CAMK4: variants seen among roughly 807,000 people sequenced by gnomAD.
The protein encoded by CAMK4 is calcium/calmodulin-dependent protein kinase type IV.
In CAMK4, 22 loss-of-function variants were observed where a neutral mutation model predicts 44.9. The ratio of observed to expected loss-of-function variants is 0.49; its 90% CI spans 0.35 to 0.70. CAMK4 has a LOEUF of 0.70. CAMK4 is among the 30% of genes least tolerant of loss of function. The pLI, the probability that CAMK4 is intolerant of heterozygous loss-of-function variation, is 0.01. For missense variants in CAMK4, 498 were observed against 586.8 expected, an observed-to-expected ratio of 0.85 and a Z score of 1.56; for synonymous variants, 218 against 215.4, an observed-to-expected ratio of 1.01 and a Z score of -0.11.
At chr5:111,475,208 G>A (rs1347333984) in intron 8 of CAMK4, among the ~76,000 whole-genome samples, 3 of 151,942 alleles carry the variant, frequency 2.0e-5, no homozygotes, top group East Asian at 3.9e-4. Flanking sequence ...AAGCTTGAGA[G>A]GAATTTGGAG....
chr5:111,433,054 G>A lies in CAMK4; in HGVS notation c.460-13632G>A, dbSNP rs545394326. Among the ~76,000 whole-genome samples the A allele has an allele frequency of 5.5e-4, 83 of 152,272 alleles. 1 individual carries two copies. Among genetic ancestry groups the A allele is most frequent in the African/African-American group, 2.0e-3 (82 of 41,566 alleles). On this transcript the variant is annotated intron_variant, in intron 5 of 10. Coordinates refer to ENST00000282356, the MANE Select transcript of CAMK4 (RefSeq NM_001744.6). ...AGAGAAAATGATTCATTTTGCTTAT[G>A]AGACTAGAGGAAGATTTCACAGAGA...
At position 111,323,021 on chromosome 5, in the gene CAMK4, G is replaced by C. The variant is rs573747894; in HGVS notation, c.162-21003G>C. Among the ~76,000 whole-genome samples, 28 of 152,052 alleles carry C rather than the reference G, an allele frequency of 1.8e-4. 1 individual carries two copies. The highest frequency in any genetic ancestry group is 7.9e-4 in the Admixed American group (12 of 15,254). On this transcript the variant is annotated intron_variant, in intron 1 of 10. Transcript: ENST00000282356. ...CAACTTGTGGGAAAATATCAAGAAGGCTATCATAAATGGAATATATGTCTC... is the reference window on the plus strand; with the variant it reads ...CAACTTGTGGGAAAATATCAAGAAGCCTATCATAAATGGAATATATGTCTC...
chr5:111,421,815 A>G (rs367980397), intron 5 of CAMK4, among the ~76,000 whole-genome samples: 8 of 152,134 alleles, frequency 5.3e-5, no homozygotes, highest in African/African-American at 1.4e-4. Flanking sequence ...GTGTCATGGG[A>G]GGGACCCTGT....
chr5:111,438,440 G>C (rs1459524598), intron 5 of CAMK4, among the ~76,000 whole-genome samples: 3 of 152,108 alleles, frequency 2.0e-5, no homozygotes, highest in African/African-American at 4.8e-5. Context: ...ATCATTTGTA[G>C]CAAACATGTG....
At chr5:111,326,428 G>A (rs1456211852) in intron 1 of CAMK4, among the ~76,000 whole-genome samples, 2 of 151,858 alleles carry the variant, frequency 1.3e-5, no homozygotes, top group Non-Finnish European at 1.5e-5. Context: ...CCTTATATCT[G>A]TTAAGTAAAT....
At chr5:111,279,280 G>A (rs559126182) in intron 1 of CAMK4, among the ~76,000 whole-genome samples, 1 of 152,214 alleles carries the variant, frequency 6.6e-6, no homozygotes, top group South Asian at 2.1e-4. Context: ...CTGGGTTTCC[G>A]GCCCTGTGAC....
intron 1 of CAMK4, among the ~76,000 whole-genome samples, chr5:111,255,948 A>G (rs930961336): frequency 3.9e-5 from 6 of 152,224 alleles, no homozygotes; most frequent in African/African-American, 1.4e-4. Flanking sequence ...GATTAAAAAC[A>G]TTTCCCCAAG....
At chr5:111,337,825 C>T (rs370516) in intron 1 of CAMK4, among the ~76,000 whole-genome samples, 131,886 of 151,038 alleles carry the variant, frequency 0.87, 57,841 homozygotes, top group East Asian at 1. Flanking sequence ...GAAAACTGGT[C>T]TCTAGTTACA....
Position 111,224,654 on chromosome 5 carries a change from G to T in CAMK4, c.161+10G>T. 1 of 1,599,236 alleles carries T rather than the reference G, an allele frequency of 6.3e-7. No individual in the cohort carries two copies. The highest frequency in any genetic ancestry group is 8.5e-7 in the Non-Finnish European group (1 of 1,173,458). Reference sequence around the variant, plus strand: ...AGTCGGAGCTGGGACGGTAAGGCGCGGGCTCCGGCTGGGGAAGCCCGCGGC... The same window carrying T: ...AGTCGGAGCTGGGACGGTAAGGCGCTGGCTCCGGCTGGGGAAGCCCGCGGC... On this transcript the variant is annotated intron_variant, in intron 1 of 10. Coordinates refer to ENST00000282356, the MANE Select transcript of CAMK4 (RefSeq NM_001744.6). The surrounding 1 kb of genome is among the most constrained non-coding windows in gnomAD (Gnocchi z 5.7).
chr5:111,343,060 C>T (rs565732308), intron 1 of CAMK4, among the ~76,000 whole-genome samples: 1 of 151,552 alleles, frequency 6.6e-6, no homozygotes, highest in South Asian at 2.1e-4. Context: ...ATTTCTTGAA[C>T]CCTTTATTAC....
At chr5:111,478,240 G>A (rs1462195922) in intron 8 of CAMK4, 141 bp from the exon 9 acceptor site, 7 of 443,422 alleles carry the variant, frequency 1.6e-5, no homozygotes, top group Non-Finnish European at 2.8e-5. Context: ...TTGTAATAAG[G>A]CAGTTGCATA....
At chr5:111,256,239 T>C (rs1234598585) in intron 1 of CAMK4, among the ~76,000 whole-genome samples, 1 of 152,086 alleles carries the variant, frequency 6.6e-6, no homozygotes, top group Admixed American at 6.6e-5. Context: ...ATTATAGAGG[T>C]AGAGAACAAA....
At chr5:111,327,180 C>A (rs1354198602) in intron 1 of CAMK4, among the ~76,000 whole-genome samples, 1 of 149,082 alleles carries the variant, frequency 6.7e-6, no homozygotes, top group Non-Finnish European at 1.5e-5. Flanking sequence ...CACAACAGTC[C>A]CTGGTGTGTG....
intron 7 of CAMK4, among the ~76,000 whole-genome samples, chr5:111,461,487 G>T (rs1442455233): frequency 6.6e-6 from 1 of 152,146 alleles, no homozygotes; most frequent in African/African-American, 2.4e-5. Flanking sequence ...GCTAAACAAA[G>T]GACCGCACAA....
intron 1 of CAMK4, among the ~76,000 whole-genome samples, chr5:111,337,619 G>A (rs1221477895): frequency 6.6e-6 from 1 of 150,892 alleles, no homozygotes. Context: ...GCAATTTGGG[G>A]TGTACTTTCA....
intron 5 of CAMK4, among the ~76,000 whole-genome samples, chr5:111,395,794 C>T (rs1279322246): frequency 2.0e-5 from 3 of 152,066 alleles, no homozygotes; most frequent in African/African-American, 7.2e-5. Context: ...TGCTGGAACA[C>T]TTTGGTGATT....
At chr5:111,308,285 GTTC>G (rs1301892007) in intron 1 of CAMK4, among the ~76,000 whole-genome samples, 1 of 149,772 alleles carries the variant, frequency 6.7e-6, no homozygotes, top group Non-Finnish European at 1.5e-5. Context: ...ATCAAAACTA[GTTC>G]TTATTTTAAA....
intron 7 of CAMK4, among the ~76,000 whole-genome samples, chr5:111,460,330 C>T (rs1243563359): frequency 1.5e-5 from 2 of 129,836 alleles, no homozygotes; most frequent in Non-Finnish European, 1.6e-5. Flanking sequence ...TGCAGTGGTG[C>T]AATCGATCTT....
chr5:111,224,643 C>T lies in CAMK4; in HGVS notation c.160C>T (p.Arg54Trp), dbSNP rs1748087413. 1 of 1,603,768 alleles carries T rather than the reference C, an allele frequency of 6.2e-7. No homozygotes were observed. The highest frequency in any genetic ancestry group is 1.1e-5 in the South Asian group (1 of 89,994). Residue 54 changes from arginine to tryptophan, a missense_variant and splice_region_variant, in exon 1 of 11, where the codon CGG becomes TGG. Physicochemically the swap from Arg to Trp is moderately radical, Grantham distance 101. Around this residue, in one of 3 missense-constraint regions of CAMK4, gnomAD observed 152 missense variants for 143.7 expected, o/e 1.06. Transcript: ENST00000282356. This position sits in a 1 kb window ranked among gnomAD's most constrained non-coding sequence, Gnocchi z 5.7. Reference protein sequence around the residue: ...DFFEVESELGRGATSIVYRCK... With the variant: ...DFFEVESELGWGATSIVYRCK... ...CTTCGAGGTGGAGTCGGAGCTGGGACGGTAAGGCGCGGGCTCCGGCTGGGG... is the reference window on the plus strand; with the variant it reads ...CTTCGAGGTGGAGTCGGAGCTGGGATGGTAAGGCGCGGGCTCCGGCTGGGG...
Sources: gnomAD v4.1 joint callset for allele counts (sites outside exome capture counted in the v4.1 genomes callset) on GRCh38, gnomAD v4.1.1 for gene constraint, gnomAD v4.1.1 regional missense constraint, Gnocchi (gnomAD v3.1) non-coding constraint, MANE v1.5 for transcripts, NCBI Gene and HGNC (gene_info 2026-07-23, HGNC 2026-07-21) for gene names.